Variants in ATPAF1 observed in about 807,000 individuals in gnomAD.
ATPAF1 encodes the protein homolog of yeast ATP11.
Under a neutral mutation model 43.9 loss-of-function variants are expected in ATPAF1, and 26 were observed. The observed-to-expected ratio is 0.59, with a 90% CI of 0.43 to 0.82. ATPAF1 has a LOEUF of 0.82. Ranked by LOEUF, ATPAF1 falls within the 40% of genes least tolerant of loss-of-function variation. ATPAF1 has a pLI of 0.00. For synonymous variants in ATPAF1, 157 were observed against 168.0 expected (o/e 0.93, Z 0.50); for missense variants, 366 against 435.0 (o/e 0.84, Z 1.41).
downstream of ATPAF1, chr1:46,632,819 G>A (rs190532222): frequency 1.5e-3 from 233 of 152,654 alleles, 3 homozygotes; most frequent in Non-Finnish European, 2.4e-4. Context: ...TTGGCACTGC[G>A]AACAGAGATA....
intron 6 of ATPAF1, among the ~76,000 whole-genome samples, chr1:46,651,334 A>C (rs1007759849): frequency 2.6e-5 from 4 of 151,638 alleles, no homozygotes; most frequent in African/African-American, 9.7e-5. Context: ...TGAACTCATC[A>C]TTTTTTATGG....
chr1:46,644,894 G>A (rs1676011445), intron 7 of ATPAF1, among the ~76,000 whole-genome samples: 1 of 152,218 alleles, frequency 6.6e-6, no homozygotes, highest in Non-Finnish European at 1.5e-5. Context: ...TGAGGCACAT[G>A]CAGTATATAC....
At chr1:46,643,246 T>C in exon 8 of ATPAF1, 2 of 1,613,972 alleles carry the variant, frequency 1.2e-6, no homozygotes, top group Middle Eastern at 3.3e-4. Flanking sequence ...CTTTTCTTCC[T>C]TAAGTTCAGG....
chr1:46,665,729 A>C, intron 1 of ATPAF1: 1 of 1,527,144 alleles, frequency 6.5e-7, no homozygotes, highest in Non-Finnish European at 8.7e-7. Flanking sequence ...ACTAGGTGTC[A>C]AGCTTTTACT....
intron 8 of ATPAF1, among the ~76,000 whole-genome samples, chr1:46,641,240 G>A (rs1010709941): frequency 5.4e-5 from 8 of 147,238 alleles, no homozygotes; most frequent in African/African-American, 1.9e-4. Context: ...CACCACGCCT[G>A]GCTAATTTTT....
In ATPAF1 at chr1:46,641,877, TG is replaced by T. The variant is rs200504472; in HGVS notation, c.792+1316del. 9.0e-3 allele frequency among the ~76,000 whole-genome samples: 1,370 copies of T among 152,274 alleles called. 22 individuals are homozygous for T. Among genetic ancestry groups the T allele is most frequent in the African/African-American group, 0.032 (1,329 of 41,556 alleles). ...TCTCTATTTTTACTTACTTCCTTGG[TG>T]ACTTCATTCAGTCCTATGGTTTTAA... On this transcript the variant is annotated intron_variant, in intron 8 of 8. Transcript: ENST00000574428.
In ATPAF1 at chr1:46,636,051, CCCTCG is replaced by C. The variant is rs765704231; in HGVS notation, c.793-86_793-82del. 9 of 1,514,804 alleles carry C rather than the reference CCCTCG, an allele frequency of 5.9e-6. No homozygotes were observed. The South Asian group carries it at 1.0e-4, about 17-fold the overall frequency. The allele number at this position is 1,514,804 out of a possible 1,614,324, so 93.8% of individuals were successfully genotyped here. A position where few individuals can be genotyped will look rare whatever the true frequency, so the allele number is the denominator to read the frequency against. ...GTCTGAATTGTGTGGTGGGTGGGGG[CCCTCG>C]CCCAGGAGTCACCACTTCCAGAAAG... On this transcript the variant is annotated intron_variant, in intron 8 of 8. Coordinates refer to ENST00000574428, the Ensembl canonical transcript of ATPAF1.
rs1676475358 is a variant in ATPAF1 at position 46,665,571 on chromosome 1, A to C, written c.267-207T>G. ...TGTTATTCAACTGTTGTTAATCCTC[A>C]AGGGGCCTGTGTAACATTTTTCTTT... On this transcript the variant is annotated intron_variant, in intron 1 of 8. Transcript: ENST00000574428. 3 of 1,248,416 alleles carry C rather than the reference A, an allele frequency of 2.4e-6. No homozygotes were observed. In the Admixed American group the frequency reaches 6.2e-5, roughly 26 times the overall value. 77.3% of individuals were successfully genotyped at this position (1,248,416 alleles called of 1,614,324 possible). A position where few individuals can be genotyped will look rare whatever the true frequency, so the allele number is the denominator to read the frequency against.
At chr1:46,647,356 G>A (rs1676062855) in intron 6 of ATPAF1, among the ~76,000 whole-genome samples, 1 of 152,304 alleles carries the variant, frequency 6.6e-6, no homozygotes, top group African/African-American at 2.4e-5. Flanking sequence ...GGATTTGTCT[G>A]CCTCCTTCTT....
At position 46,636,722 on chromosome 1, in the gene ATPAF1, T is replaced by C. The variant is rs78780229; in HGVS notation, c.793-752A>G. ...GCTTGAGCCTGTCTGGGTAATGTAG[T>C]GAGCCCCTTAAAAAAAAAAAAAGAC... On this transcript the variant is annotated intron_variant, in intron 8 of 8. Coordinates refer to ENST00000574428, the Ensembl canonical transcript of ATPAF1. 6.3e-3 allele frequency among the ~76,000 whole-genome samples: 939 copies of C among 149,772 alleles called. 3 individuals carry two copies. Among genetic ancestry groups the C allele is most frequent in the Non-Finnish European group, 0.011 (717 of 67,520 alleles).
At chr1:46,657,830 G>A (rs541196778) in intron 4 of ATPAF1, among the ~76,000 whole-genome samples, 27 of 152,260 alleles carry the variant, frequency 1.8e-4, no homozygotes, top group Admixed American at 5.9e-4. Context: ...AAAAGGAGAA[G>A]GGAAACCTAT....
At chr1:46,642,373 G>C in intron 8 of ATPAF1, among the ~76,000 whole-genome samples, 1 of 152,124 alleles carries the variant, frequency 6.6e-6, no homozygotes, top group Non-Finnish European at 1.5e-5. Flanking sequence ...CACTGTTTGG[G>C]GACATTCTGA....
At chr1:46,660,293 ACC>A (rs1474404278) in intron 2 of ATPAF1, among the ~76,000 whole-genome samples, 1 of 152,154 alleles carries the variant, frequency 6.6e-6, no homozygotes. Context: ...TCATTTTCAT[ACC>A]ACTCATTCTC....
chr1:46,660,557 A>C (rs1676368553), intron 2 of ATPAF1, among the ~76,000 whole-genome samples: 2 of 152,238 alleles, frequency 1.3e-5, no homozygotes, highest in African/African-American at 2.4e-5. Flanking sequence ...ATGCCAATTA[A>C]ATAGCACAAT....
At chr1:46,656,371 G>A (rs1676273717) in intron 4 of ATPAF1, among the ~76,000 whole-genome samples, 1 of 151,976 alleles carries the variant, frequency 6.6e-6, no homozygotes, top group Non-Finnish European at 1.5e-5. Context: ...TAAAATATGG[G>A]GCCCCAATTG....
At chr1:46,666,810 T>G (rs1227028290) in intron 1 of ATPAF1, among the ~76,000 whole-genome samples, 1 of 152,156 alleles carries the variant, frequency 6.6e-6, no homozygotes, top group Non-Finnish European at 1.5e-5. Context: ...GATAACAGTA[T>G]GTGTAAATGT....
At chr1:46,652,185 A>T (rs1249873191) in intron 6 of ATPAF1, among the ~76,000 whole-genome samples, 2 of 148,948 alleles carry the variant, frequency 1.3e-5, no homozygotes, top group East Asian at 4.0e-4. Context: ...TTATGTGTCA[A>T]TTAAAAATAA....
intron 6 of ATPAF1, among the ~76,000 whole-genome samples, chr1:46,645,587 T>C (rs868055497): frequency 6.6e-6 from 1 of 151,698 alleles, no homozygotes; most frequent in African/African-American, 2.4e-5. Flanking sequence ...GGTCTTGAAC[T>C]CCCGGGCTCA....
At chr1:46,652,723 T>C (rs1676194891) in intron 5 of ATPAF1, 95 bp from the exon 6 acceptor site, 2 of 1,038,098 alleles carry the variant, frequency 1.9e-6, no homozygotes, top group Non-Finnish European at 2.9e-6. Context: ...TCTAGAATTA[T>C]AATACAACTA....
Sources: gnomAD v4.1 joint callset for allele counts (sites outside exome capture counted in the v4.1 genomes callset) on GRCh38, gnomAD v4.1.1 for gene constraint, MANE v1.5 for transcripts, NCBI Gene and HGNC (gene_info 2026-07-23, HGNC 2026-07-21) for gene names.